CLOCK: variants seen among roughly 807,000 people sequenced by gnomAD.
CLOCK encodes circadian locomoter output cycles protein kaput.
Under a neutral mutation model 118.4 loss-of-function variants are expected in CLOCK, and 43 were observed. That is an observed-to-expected ratio of 0.36 (90% CI 0.28 to 0.47). CLOCK has a LOEUF of 0.47. Among genes scored for constraint, CLOCK ranks in the 20% least tolerant of loss-of-function variants. The pLI, the probability that CLOCK is intolerant of heterozygous loss-of-function variation, is 1.00. For synonymous variants in CLOCK, 326 were observed against 339.2 expected (o/e 0.96, Z 0.43); for missense variants, 846 against 999.9 (o/e 0.85, Z 2.08).
chr4:55,541,389 A>G (rs1468415345), intron 1 of CLOCK, among the ~76,000 whole-genome samples: 1 of 152,244 alleles, frequency 6.6e-6, no homozygotes, highest in Non-Finnish European at 1.5e-5. Flanking sequence ...CCATTGGTGT[A>G]ATGCCTACAA....
chr4:55,530,825 G>A (rs1409453579), intron 1 of CLOCK, among the ~76,000 whole-genome samples: 1 of 111,174 alleles, frequency 9.0e-6, no homozygotes, highest in Admixed American at 9.2e-5. Context: ...AAGGAAGAAT[G>A]CTATAAAAGA....
intron 9 of CLOCK, among the ~76,000 whole-genome samples, chr4:55,460,199 T>C (rs1310346250): frequency 6.6e-6 from 1 of 152,194 alleles, no homozygotes; most frequent in African/African-American, 2.4e-5. Context: ...AAAGTCATCC[T>C]TTGTCATTCC....
rs369198956 is a variant in CLOCK at position 55,504,203 on chromosome 4, G to A, written c.-136+5709C>T. 2.3e-4 allele frequency among the ~76,000 whole-genome samples: 33 copies of A among 146,434 alleles called. No individual in the cohort carries two copies. The East Asian group carries it at 6.4e-3, about 28-fold the overall frequency. On this transcript the variant is annotated intron_variant, in intron 2 of 22. Transcript: ENST00000513440. The stretch of plus-strand genomic sequence containing the variant: ...CGGGACCCTGAGGCAGGAGAATCAC[G>A]TGAACCCGAGAGGTGGAGCTTGCAG...
chr4:55,443,488 A>G (rs1381839727), intron 20 of CLOCK, among the ~76,000 whole-genome samples, 199 bp downstream of exon 20: 10 of 148,588 alleles, frequency 6.7e-5, no homozygotes, highest in South Asian at 2.1e-4. Context: ...AAAAAAAAAA[A>G]GAAAAAAAAA....
intron 21 of CLOCK, 72 bp downstream of exon 21, chr4:55,442,360 A>G: frequency 7.4e-7 from 1 of 1,354,198 alleles, no homozygotes; most frequent in Admixed American, 1.7e-5. Context: ...AATTTGATTA[A>G]GAAATCAAAT....
intron 2 of CLOCK, among the ~76,000 whole-genome samples, chr4:55,493,895 G>A (rs762754136): frequency 6.6e-6 from 1 of 152,166 alleles, no homozygotes; most frequent in East Asian, 1.9e-4. Flanking sequence ...ACTCTAGCCT[G>A]CTGAATGTCA....
At chr4:55,448,119 T>C (rs17085734) in intron 18 of CLOCK, among the ~76,000 whole-genome samples, 4,124 of 152,288 alleles carry the variant, frequency 0.027, 197 homozygotes, top group African/African-American at 0.094. Flanking sequence ...TCTGCTTACA[T>C]ATCAACTTAC....
chr4:55,517,689 G>C (rs1050386613), intron 1 of CLOCK, among the ~76,000 whole-genome samples: 2 of 152,088 alleles, frequency 1.3e-5, no homozygotes. Flanking sequence ...TTTTAGAAGA[G>C]ACTATGTAGA....
intron 1 of CLOCK, among the ~76,000 whole-genome samples, chr4:55,537,547 C>T (rs189373592): frequency 1.1e-4 from 17 of 152,008 alleles, no homozygotes; most frequent in Admixed American, 7.9e-4. Flanking sequence ...GAGCCTGAGA[C>T]GTCGACACTG....
At chr4:55,492,795 A>C (rs1341517725) in intron 2 of CLOCK, among the ~76,000 whole-genome samples, 1 of 152,116 alleles carries the variant, frequency 6.6e-6, no homozygotes. Context: ...CAGTGAGCCG[A>C]GATAGCGCCA....
chr4:55,453,170 T>A (rs369276089), intron 14 of CLOCK, 41 bp from the exon 15 acceptor site: 16 of 1,511,590 alleles, frequency 1.1e-5, no homozygotes, highest in Non-Finnish European at 1.4e-5. Flanking sequence ...TGTCTGGTCA[T>A]TCGTTTAAAA....
chr4:55,453,522 C>A, intron 14 of CLOCK, 155 bp downstream of exon 14: 3 of 576,392 alleles, frequency 5.2e-6, no homozygotes, highest in Non-Finnish European at 6.0e-6. Context: ...ATATATAATG[C>A]CTATAAGTAA....
intron 1 of CLOCK, among the ~76,000 whole-genome samples, chr4:55,539,998 A>G (rs529092149): frequency 1.5e-5 from 2 of 131,940 alleles, no homozygotes; most frequent in South Asian, 2.5e-4. Flanking sequence ...ATGATCTCCA[A>G]TGATATTAAT....
In CLOCK at chr4:55,518,119, T is replaced by C. The variant is rs538555682; in HGVS notation, c.-289-8054A>G. Among the ~76,000 whole-genome samples the C allele has an allele frequency of 4.6e-5, 7 of 152,270 alleles. No individual in the cohort carries two copies. In the South Asian group the frequency reaches 6.2e-4, roughly 14 times the overall value. ...TGTGGTCATAGAAGTTTGGGAGCTA[T>C]TGTTTCAGCTTTAAAAGGATAACCT... On this transcript the variant is annotated intron_variant, in intron 1 of 22. Coordinates refer to ENST00000513440, the MANE Select transcript of CLOCK (RefSeq NM_004898.4).
At chr4:55,441,742 G>T (rs1042662447) in intron 21 of CLOCK, among the ~76,000 whole-genome samples, 1 of 151,844 alleles carries the variant, frequency 6.6e-6, no homozygotes, top group African/African-American at 2.4e-5. Flanking sequence ...TGGGGGTGAG[G>T]GATAAAAAAC....
intron 1 of CLOCK, among the ~76,000 whole-genome samples, chr4:55,525,600 A>G (rs1378083995): frequency 6.6e-6 from 1 of 152,132 alleles, no homozygotes; most frequent in East Asian, 1.9e-4. Flanking sequence ...CCTCTCGAGT[A>G]GCTGATTACA....
chr4:55,536,350 AT>A (rs1453889252), intron 1 of CLOCK, among the ~76,000 whole-genome samples: 1 of 152,136 alleles, frequency 6.6e-6, no homozygotes, highest in African/African-American at 2.4e-5. Context: ...TCCCCTCCAA[AT>A]CTCATGATGA....
intron 1 of CLOCK, among the ~76,000 whole-genome samples, chr4:55,533,420 A>C (rs1466395348): frequency 1.3e-5 from 2 of 152,218 alleles, no homozygotes; most frequent in Non-Finnish European, 2.9e-5. Flanking sequence ...TCCACATGCC[A>C]AAGAATGAAG....
At chr4:55,487,215 C>T (rs1311666994) in intron 3 of CLOCK, among the ~76,000 whole-genome samples, 1 of 152,114 alleles carries the variant, frequency 6.6e-6, no homozygotes, top group Non-Finnish European at 1.5e-5. Context: ...TTTCCCCTAA[C>T]TTGGTGTTTT....
Sources: gnomAD v4.1 joint callset for allele counts (sites outside exome capture counted in the v4.1 genomes callset) on GRCh38, gnomAD v4.1.1 for gene constraint, MANE v1.5 for transcripts, NCBI Gene and HGNC (gene_info 2026-07-23, HGNC 2026-07-21) for gene names.